PRKG1: variants seen among roughly 807,000 people sequenced by gnomAD.
The protein encoded by PRKG1 is protein kinase cGMP-dependent 1, also known as cGMP-dependent protein kinase 1.
A neutral mutation model predicts 88.1 loss-of-function variants in PRKG1; 35 were observed. The observed-to-expected ratio is 0.40, with a 90% confidence interval of 0.30 to 0.53. PRKG1 has a LOEUF of 0.53. Ranked by LOEUF, PRKG1 falls within the 20% of genes least tolerant of loss-of-function variation. The pLI is 0.59. For missense variants in PRKG1, 540 were observed against 839.8 expected, an observed-to-expected ratio of 0.64 and a Z score of 4.41; for synonymous variants, 303 against 292.5, an observed-to-expected ratio of 1.04 and a Z score of -0.37.
intron 4 of PRKG1, among the ~76,000 whole-genome samples, chr10:51,875,244 C>A (rs1212562258): frequency 1.3e-5 from 2 of 151,382 alleles, no homozygotes; most frequent in African/African-American, 4.9e-5. Context: ...TCATAGTGGA[C>A]AAATGCGCTT....
intron 7 of PRKG1, among the ~76,000 whole-genome samples, chr10:52,111,219 T>C (rs1281257208): frequency 6.6e-6 from 1 of 152,176 alleles, no homozygotes; most frequent in Non-Finnish European, 1.5e-5. Flanking sequence ...AAAAAAGTGG[T>C]AGGGAAAGTA....
chr10:51,093,806 A>ACT (rs1396838977), intron 1 of PRKG1, among the ~76,000 whole-genome samples: 1 of 123,432 alleles, frequency 8.1e-6, no homozygotes, highest in Non-Finnish European at 1.5e-5. Flanking sequence ...ATATATACAC[A>ACT]CACACACACA....
At chr10:51,672,137 A>G (rs1206032212) in intron 3 of PRKG1, among the ~76,000 whole-genome samples, 1 of 151,204 alleles carries the variant, frequency 6.6e-6, no homozygotes, top group East Asian at 1.9e-4. Flanking sequence ...TTTTTTACCT[A>G]TTTCTTATCA....
chr10:51,135,212 A>AT (rs1845659414), intron 1 of PRKG1, among the ~76,000 whole-genome samples: 1 of 152,200 alleles, frequency 6.6e-6, no homozygotes, highest in Non-Finnish European at 1.5e-5. Context: ...CAATTAAGGG[A>AT]TTTTTAGCAG....
intron 1 of PRKG1, among the ~76,000 whole-genome samples, chr10:51,056,139 G>T (rs1343074022): frequency 1.3e-5 from 2 of 152,200 alleles, no homozygotes; most frequent in African/African-American, 4.8e-5. Flanking sequence ...CAGTTGTGAT[G>T]AAGGCACTCT....
chr10:52,107,735 A>T (rs746959939), intron 7 of PRKG1, among the ~76,000 whole-genome samples: 1 of 152,308 alleles, frequency 6.6e-6, no homozygotes, highest in East Asian at 1.9e-4. Context: ...TCAGGCCCTT[A>T]TGTGTCTATG....
chr10:51,005,771 A>T (rs1184076828), intron 1 of PRKG1, among the ~76,000 whole-genome samples: 1 of 152,196 alleles, frequency 6.6e-6, no homozygotes, highest in East Asian at 1.9e-4. Flanking sequence ...TTGCTGGAAG[A>T]GCTGCTCAGA....
At chr10:51,059,340 G>C (rs1293239229) in intron 1 of PRKG1, among the ~76,000 whole-genome samples, 2 of 152,098 alleles carry the variant, frequency 1.3e-5, no homozygotes, top group Non-Finnish European at 1.5e-5. Context: ...ATGTGTGTGT[G>C]TACATTTTAA....
At chr10:51,571,540 G>A (rs1007048520) in intron 3 of PRKG1, among the ~76,000 whole-genome samples, 1 of 150,660 alleles carries the variant, frequency 6.6e-6, no homozygotes, top group Non-Finnish European at 1.5e-5. Flanking sequence ...TGTTTCATGA[G>A]GGGGTGAGGC....
At chr10:51,569,230 G>A (rs1389811531) in intron 3 of PRKG1, among the ~76,000 whole-genome samples, 1 of 151,960 alleles carries the variant, frequency 6.6e-6, no homozygotes, top group Non-Finnish European at 1.5e-5. Flanking sequence ...GCAAGATAAG[G>A]TTGTGTTTTC....
chr10:51,291,920 C>G (rs1417247155), intron 2 of PRKG1, among the ~76,000 whole-genome samples: 2 of 152,042 alleles, frequency 1.3e-5, no homozygotes, highest in African/African-American at 4.8e-5. Flanking sequence ...TTAAAATCAC[C>G]CTTTAACAGT....
At chr10:52,283,159 T>C (rs1325659037) in intron 14 of PRKG1, among the ~76,000 whole-genome samples, 1 of 152,104 alleles carries the variant, frequency 6.6e-6, no homozygotes, top group Non-Finnish European at 1.5e-5. Flanking sequence ...ATTGAGATTT[T>C]CTGACAAAGG....
intron 3 of PRKG1, among the ~76,000 whole-genome samples, chr10:51,653,180 G>A (rs925529034): frequency 6.6e-6 from 1 of 152,176 alleles, no homozygotes; most frequent in African/African-American, 2.4e-5. Context: ...ACAGAGTGTA[G>A]ATATGTTTTC....
At chr10:51,589,507 C>G (rs541983035) in intron 3 of PRKG1, among the ~76,000 whole-genome samples, 46 of 152,198 alleles carry the variant, frequency 3.0e-4, no homozygotes, top group African/African-American at 1.1e-3. Context: ...GCCTGTAATT[C>G]CAGCTACTCA....
chr10:51,647,877 A>G (rs974082223), intron 3 of PRKG1, among the ~76,000 whole-genome samples: 2 of 152,154 alleles, frequency 1.3e-5, no homozygotes, highest in Non-Finnish European at 2.9e-5. Flanking sequence ...ATAATGATAC[A>G]TTGCACAGTA....
In PRKG1 at chr10:51,607,663, C is replaced by T. The variant is rs192774015; in HGVS notation, c.592+139827C>T. On this transcript the variant is annotated intron_variant, in intron 3 of 17. Transcript: ENST00000373980. ...GCCCGAAGCCAGTTGGATCCCTCCC[C>T]GCTGCCCAGGAGGTAGAAGGAAGAA... Among the ~76,000 whole-genome samples the T allele has an allele frequency of 3.2e-3, 484 of 152,270 alleles. 7 individuals carry two copies. Among genetic ancestry groups the T allele is most frequent in the African/African-American group, 0.011 (450 of 41,538 alleles).
intron 6 of PRKG1, among the ~76,000 whole-genome samples, chr10:52,060,079 G>T (rs1434119234): frequency 2.0e-5 from 3 of 151,764 alleles, no homozygotes; most frequent in African/African-American, 7.2e-5. Flanking sequence ...GACTTAATTT[G>T]ACTGAAAACT....
intron 2 of PRKG1, among the ~76,000 whole-genome samples, chr10:51,286,246 CG>C (rs1840438567): frequency 6.6e-6 from 1 of 152,150 alleles, no homozygotes; most frequent in Non-Finnish European, 1.5e-5. Context: ...GCTGGGATTA[CG>C]GACATGAGCC....
At chr10:52,002,636 T>A (rs1261047610) in intron 5 of PRKG1, among the ~76,000 whole-genome samples, 1 of 152,164 alleles carries the variant, frequency 6.6e-6, no homozygotes, top group Non-Finnish European at 1.5e-5. Flanking sequence ...AATTATTGAG[T>A]GGCAGCTTTT....
Sources: allele counts gnomAD v4.1 joint callset (sites outside exome capture counted in the v4.1 genomes callset), GRCh38; gene constraint gnomAD v4.1.1; transcripts MANE v1.5; gene names NCBI Gene and HGNC (gene_info 2026-07-23, HGNC 2026-07-21).